Variants in EFL1 observed in about 807,000 individuals in gnomAD.
EFL1 encodes elongation factor like GTPase 1.
Under a neutral mutation model 126.7 loss-of-function variants are expected in EFL1, and 76 were observed. That is an observed-to-expected ratio of 0.60 (90% CI 0.50 to 0.73). The LOEUF is 0.73. Among genes scored for constraint, EFL1 ranks in the 30% least tolerant of loss-of-function variants. The probability of loss-of-function intolerance (pLI) is 0.00; values close to 1 mark genes in which losing one functional copy is unlikely to be tolerated. For synonymous variants in EFL1, 410 were observed against 448.4 expected (o/e 0.91, Z 1.08); for missense variants, 1,128 against 1,343.2 (o/e 0.84, Z 2.50).
At chr15:82,156,347 T>C (rs1667106325) in intron 17 of EFL1, among the ~76,000 whole-genome samples, 1 of 152,170 alleles carries the variant, frequency 6.6e-6, no homozygotes, top group African/African-American at 2.4e-5. Flanking sequence ...AGTGCAGTGG[T>C]GTGATCTCAG....
At chr15:82,237,941 T>C (rs1014709844) in intron 7 of EFL1, among the ~76,000 whole-genome samples, 12 of 152,160 alleles carry the variant, frequency 7.9e-5, no homozygotes, top group African/African-American at 2.9e-4. Context: ...TTGGTTCCAT[T>C]TCTATAACAC....
At chr15:82,228,395 C>T (rs1726902065) in intron 9 of EFL1, 68 bp from the exon 10 acceptor site, 2 of 1,506,390 alleles carry the variant, frequency 1.3e-6, no homozygotes, top group East Asian at 2.3e-5. Context: ...TGGAACCCAA[C>T]ATTATTTGGC....
At chr15:82,168,297 T>C (rs2074099495) in intron 15 of EFL1, among the ~76,000 whole-genome samples, 1 of 152,188 alleles carries the variant, frequency 6.6e-6, no homozygotes, top group Admixed American at 6.5e-5. Flanking sequence ...CCAAGCCTGC[T>C]TGGCCAGCAT....
chr15:82,252,618 A>G, intron 4 of EFL1, 73 bp downstream of exon 4: 1 of 1,147,034 alleles, frequency 8.7e-7, no homozygotes, highest in Non-Finnish European at 1.3e-6. Flanking sequence ...TGAGGCATGC[A>G]ATTAATTCAG....
At chr15:82,251,771 C>G (rs2075023675) in intron 4 of EFL1, among the ~76,000 whole-genome samples, 1 of 152,134 alleles carries the variant, frequency 6.6e-6, no homozygotes, top group Non-Finnish European at 1.5e-5. Flanking sequence ...AGATATGACA[C>G]TTGTGAAGGA....
intron 16 of EFL1, among the ~76,000 whole-genome samples, chr15:82,158,179 C>CA (rs2073987301): frequency 6.6e-6 from 1 of 152,156 alleles, no homozygotes; most frequent in Non-Finnish European, 1.5e-5. Context: ...CGAATGTATA[C>CA]ATTATATACC....
At chr15:82,218,432 T>C (rs1247967907) in intron 14 of EFL1, among the ~76,000 whole-genome samples, 5 of 152,176 alleles carry the variant, frequency 3.3e-5, no homozygotes, top group Admixed American at 3.3e-4. Context: ...AGCAACTGAT[T>C]TCAACCTGTA....
chr15:82,197,167 G>T (rs2141277516), intron 15 of EFL1, among the ~76,000 whole-genome samples: 1 of 152,142 alleles, frequency 6.6e-6, no homozygotes, highest in East Asian at 1.9e-4. Context: ...TTGAAGGCTT[G>T]TGGTTTTGAA....
chr15:82,257,317 T>G (rs902489128), intron 3 of EFL1, among the ~76,000 whole-genome samples: 19 of 152,218 alleles, frequency 1.2e-4, no homozygotes, highest in African/African-American at 4.6e-4. Flanking sequence ...ATCACATATT[T>G]CTGCCTCCTC....
In EFL1 at chr15:82,259,167, G is replaced by C. The variant is rs1567082588; in HGVS notation, c.92-12C>G. 3 of 1,611,058 alleles carry C rather than the reference G, an allele frequency of 1.9e-6. No individual in the cohort carries two copies. In the East Asian group the frequency reaches 6.7e-5, roughly 36 times the overall value. ...CAGAGTAGTTTTTCCTGTTAAAATA[G>C]CAACATCAATTCAAATCTATATCTT... On this transcript the variant is annotated splice_polypyrimidine_tract_variant and intron_variant, in intron 2 of 19. Transcript: ENST00000268206.
chr15:82,183,528 C>T (rs935871799), intron 15 of EFL1, among the ~76,000 whole-genome samples: 1 of 152,152 alleles, frequency 6.6e-6, no homozygotes, highest in Non-Finnish European at 1.5e-5. Context: ...ACTACTGCTC[C>T]ACAGACAGCA....
intron 11 of EFL1, among the ~76,000 whole-genome samples, chr15:82,225,505 T>C (rs2074753829): frequency 6.6e-6 from 1 of 152,066 alleles, no homozygotes. Context: ...AGCAAGCAAA[T>C]TTGACAGGGT....
At chr15:82,203,079 G>A (rs1414443262) in intron 15 of EFL1, among the ~76,000 whole-genome samples, 1 of 151,998 alleles carries the variant, frequency 6.6e-6, no homozygotes, top group Non-Finnish European at 1.5e-5. Flanking sequence ...CCATAATGCT[G>A]GGATTACAGG....
intron 15 of EFL1, among the ~76,000 whole-genome samples, chr15:82,184,323 A>G (rs72749560): frequency 0.19 from 29,620 of 152,198 alleles, 3,123 homozygotes; most frequent in South Asian, 0.39. Context: ...CATGACCGGT[A>G]GCACACATTT....
chr15:82,190,346 T>C (rs994980490), intron 15 of EFL1, among the ~76,000 whole-genome samples: 11 of 152,346 alleles, frequency 7.2e-5, no homozygotes, highest in Admixed American at 2.6e-4. Flanking sequence ...AATTTTACTT[T>C]GAGTAATAAC....
intron 19 of EFL1, among the ~76,000 whole-genome samples, chr15:82,134,675 C>T (rs938076458): frequency 4.6e-5 from 7 of 152,206 alleles, no homozygotes; most frequent in African/African-American, 1.7e-4. Flanking sequence ...TTAGCCCACC[C>T]CTCAGGGTAA....
intron 15 of EFL1, among the ~76,000 whole-genome samples, chr15:82,199,077 C>G (rs1235166756): frequency 6.6e-6 from 1 of 151,758 alleles, no homozygotes; most frequent in Non-Finnish European, 1.5e-5. Flanking sequence ...TCTTTGGATC[C>G]TGAGAAAGGA....
intron 3 of EFL1, among the ~76,000 whole-genome samples, chr15:82,254,363 TTC>T (rs1218281013): frequency 6.6e-6 from 1 of 152,192 alleles, no homozygotes; most frequent in Non-Finnish European, 1.5e-5. Flanking sequence ...CTTGTCAGTT[TTC>T]TATAATGTAT....
chr15:82,252,157 T>C (rs114254349), intron 4 of EFL1, among the ~76,000 whole-genome samples: 10,496 of 152,290 alleles, frequency 0.069, 570 homozygotes, highest in African/African-American at 0.13. Flanking sequence ...TATTGAACCA[T>C]TCTCCTATTG....
Sources: allele counts gnomAD v4.1 joint callset (sites outside exome capture counted in the v4.1 genomes callset), GRCh38; gene constraint gnomAD v4.1.1; transcripts MANE v1.5; gene names NCBI Gene and HGNC (gene_info 2026-07-23, HGNC 2026-07-21).